The following RNF32 variants were observed in gnomAD, a reference collection of about 807,000 sequenced individuals.
RNF32 encodes the protein ring finger protein 32.
In RNF32, 36 loss-of-function variants were observed where a neutral mutation model predicts 41.0. That is an observed-to-expected ratio of 0.88 (90% CI 0.67 to 1.16). The LOEUF is 1.16. RNF32 is among the 50% of genes most tolerant of loss of function. The pLI is 0.00. For missense variants in RNF32, 413 were observed against 436.7 expected (o/e 0.95, Z 0.48); for synonymous variants, 154 against 160.9 (o/e 0.96, Z 0.32).
chr7:156,657,311 A>AT (rs1331321702), intron 4 of RNF32: 2 of 554,244 alleles, frequency 3.6e-6, no homozygotes, highest in African/African-American at 1.9e-5. Context: ...ATAGTTAAAT[A>AT]TCAAACTTCA....
intron 7 of RNF32, among the ~76,000 whole-genome samples, chr7:156,661,337 T>G (rs1800640775): frequency 6.6e-6 from 1 of 151,332 alleles, no homozygotes; most frequent in Admixed American, 6.6e-5. Context: ...TTTTTTTTTT[T>G]GAGACGGAGT....
At chr7:156,663,133 C>T (rs1409254494) in intron 7 of RNF32, among the ~76,000 whole-genome samples, 1 of 152,116 alleles carries the variant, frequency 6.6e-6, no homozygotes, top group Non-Finnish European at 1.5e-5. Context: ...TGCACCCGGC[C>T]TTAACAGCCA....
rs1477845414 is a variant in RNF32 at position 156,669,011 on chromosome 7, T to C, written c.685-6685T>C. 1 of 152,244 alleles carries C rather than the reference T, an allele frequency of 6.6e-6. No homozygotes were observed. The highest frequency in any genetic ancestry group is 2.4e-5 in the African/African-American group (1 of 41,456). 9.4% of individuals were successfully genotyped at this position (152,244 alleles called of 1,614,324 possible). ...GAAAAAAGTATGAATTGTTAATAAG[T>C]GTAAAAATGATATTTGGTTACATAG... is the stretch of plus-strand genomic sequence containing the variant. On this transcript the variant is annotated intron_variant, in intron 7 of 8. Coordinates refer to ENST00000317955, the MANE Select transcript of RNF32 (RefSeq NM_030936.4). This position sits in a 1 kb window ranked among gnomAD's most constrained non-coding sequence, Gnocchi z 4.2.
At chr7:156,673,657 G>T (rs1463950160) in intron 7 of RNF32, among the ~76,000 whole-genome samples, 1 of 152,120 alleles carries the variant, frequency 6.6e-6, no homozygotes, top group Non-Finnish European at 1.5e-5. Flanking sequence ...AACCCTTGTG[G>T]ACTGCCTGCT....
At position 156,644,480 on chromosome 7, in the gene RNF32, CT is replaced by C. The variant is rs895900382; in HGVS notation, c.16-13del. On this transcript the variant is annotated intron_variant, in intron 2 of 8. Coordinates refer to ENST00000317955, the MANE Select transcript of RNF32 (RefSeq NM_030936.4). Reference sequence around the variant, plus strand: ...TTACATAATACTCCTCTAAATATGACTTTTTTCCTACTTTTTAGGGTCACTC... The same window carrying C: ...TTACATAATACTCCTCTAAATATGACTTTTTCCTACTTTTTAGGGTCACTC... 6.3e-7 allele frequency: 1 copy of C among 1,593,746 alleles called. No homozygotes were observed. Among genetic ancestry groups the C allele is most frequent in the East Asian group, 2.2e-5 (1 of 44,776 alleles).
At chr7:156,659,175 A>G in intron 7 of RNF32, 3 of 1,196,300 alleles carry the variant, frequency 2.5e-6, no homozygotes, top group Non-Finnish European at 3.1e-6. Context: ...CTTCAGGCAA[A>G]CAGCAGCAGC....
intron 7 of RNF32, among the ~76,000 whole-genome samples, chr7:156,666,788 G>A (rs771990774): frequency 5.9e-5 from 9 of 152,266 alleles, no homozygotes; most frequent in Non-Finnish European, 7.4e-5. Context: ...AGAATGCAGC[G>A]GCTAGGCCTG....
At chr7:156,666,339 A>G (rs892199090) in intron 7 of RNF32, among the ~76,000 whole-genome samples, 2 of 152,076 alleles carry the variant, frequency 1.3e-5, no homozygotes, top group Non-Finnish European at 2.9e-5. Context: ...TTTAGTTTTC[A>G]TGCACCTTTT....
At chr7:156,675,476 G>A (rs977220797) in intron 7 of RNF32, among the ~76,000 whole-genome samples, 1 of 152,190 alleles carries the variant, frequency 6.6e-6, no homozygotes, top group Non-Finnish European at 1.5e-5. Context: ...TTGGGGTAGT[G>A]TGTTCTGGAC....
At chr7:156,676,244 T>TAA in intron 8 of RNF32, 175 bp from the exon 9 acceptor site, 1 of 1,504,268 alleles carries the variant, frequency 6.6e-7, no homozygotes, top group Non-Finnish European at 8.8e-7. Context: ...TATATGTGTG[T>TAA]GTATATATAT....
At chr7:156,646,464 A>G (rs1797985631) in intron 3 of RNF32, 1 of 1,302,866 alleles carries the variant, frequency 7.7e-7, no homozygotes. Context: ...GATACCATTC[A>G]TAGGATGTAC....
At chr7:156,673,548 CAT>C (rs1458619642) in intron 7 of RNF32, among the ~76,000 whole-genome samples, 1 of 152,158 alleles carries the variant, frequency 6.6e-6, no homozygotes. Context: ...GAATTTGACT[CAT>C]AAATAGAAAA....
At chr7:156,645,822 T>C (rs1305215607) in intron 3 of RNF32, among the ~76,000 whole-genome samples, 1 of 152,230 alleles carries the variant, frequency 6.6e-6, no homozygotes, top group African/African-American at 2.4e-5. Flanking sequence ...ACATGAAATG[T>C]ATCCCAAACA....
chr7:156,666,906 G>A (rs925113732), intron 7 of RNF32, among the ~76,000 whole-genome samples: 1 of 152,024 alleles, frequency 6.6e-6, no homozygotes, highest in African/African-American at 2.4e-5. Flanking sequence ...TATTATCTCC[G>A]CCCCAGCTAA....
intron 3 of RNF32, among the ~76,000 whole-genome samples, chr7:156,649,856 C>A (rs1798476830): frequency 6.6e-6 from 1 of 152,230 alleles, no homozygotes; most frequent in South Asian, 2.1e-4. Context: ...ATGGATTACC[C>A]TGGACTATGA....
Position 156,654,711 on chromosome 7 carries a change from G to A in RNF32, c.410G>A (p.Arg137His), listed in dbSNP as rs140073522. 2.1e-5 allele frequency: 34 copies of A among 1,613,732 alleles called. No individual in the cohort carries two copies. Among genetic ancestry groups the A allele is most frequent in the Middle Eastern group, 1.6e-4 (1 of 6,078 alleles). Residue 137 changes from arginine to histidine, a missense_variant, in exon 4 of 9, where the codon CGT becomes CAT. Arg to His is a conservative substitution (Grantham distance 29). Coordinates refer to ENST00000317955, the MANE Select transcript of RNF32 (RefSeq NM_030936.4). ...CPICKEEFEL[R>H]PQVLLSCSHV... ...ATCTGTAAAGAAGAATTCGAGCTTCGTCCTCAGGTGTTTAGCATACGAGGG... is the reference window on the plus strand; with the variant it reads ...ATCTGTAAAGAAGAATTCGAGCTTCATCCTCAGGTGTTTAGCATACGAGGG...
At chr7:156,673,508 G>C (rs1331594716) in intron 7 of RNF32, among the ~76,000 whole-genome samples, 1 of 152,138 alleles carries the variant, frequency 6.6e-6, no homozygotes, top group African/African-American at 2.4e-5. Flanking sequence ...ACAGCTGCTT[G>C]GCAATTATAA....
chr7:156,652,375 T>G (rs563077361), intron 3 of RNF32, among the ~76,000 whole-genome samples: 11 of 152,174 alleles, frequency 7.2e-5, no homozygotes, highest in Non-Finnish European at 1.3e-4. Context: ...CTGGGAGATG[T>G]TTTGGACTAT....
intron 7 of RNF32, among the ~76,000 whole-genome samples, chr7:156,665,308 C>A (rs1177593691): frequency 6.6e-6 from 1 of 152,012 alleles, no homozygotes; most frequent in Non-Finnish European, 1.5e-5. Flanking sequence ...GTATGGGAAG[C>A]CACCCCTGAG....
Sources: gnomAD v4.1 joint callset for allele counts (sites outside exome capture counted in the v4.1 genomes callset) on GRCh38, gnomAD v4.1.1 for gene constraint, Gnocchi (gnomAD v3.1) non-coding constraint, MANE v1.5 for transcripts, NCBI Gene and HGNC (gene_info 2026-07-23, HGNC 2026-07-21) for gene names.